The following PLEKHH3 variants were observed in gnomAD, a reference collection of about 807,000 sequenced individuals.
PLEKHH3 encodes the protein pleckstrin homology, MyTH4 and FERM domain containing H3.
PLEKHH3 carries 57 observed loss-of-function variants against 77.8 expected under a neutral mutation model. The ratio of observed to expected loss-of-function variants is 0.73; its 90% CI spans 0.59 to 0.91. The LOEUF (loss-of-function observed/expected upper bound fraction) is 0.91, where lower values mean the gene tolerates loss of function less well. Among genes scored for constraint, PLEKHH3 ranks in the 40% least tolerant of loss-of-function variants. The probability of loss-of-function intolerance (pLI) is 0.00; values close to 1 mark genes in which losing one functional copy is unlikely to be tolerated. For missense variants in PLEKHH3, 1,082 were observed against 1,091.2 expected, an observed-to-expected ratio of 0.99 and a Z score of 0.12; for synonymous variants, 467 against 504.8, an observed-to-expected ratio of 0.93 and a Z score of 1.00.
At chr17:42,672,805 G>A (rs12936169) in intron 6 of PLEKHH3, among the ~76,000 whole-genome samples, 29,650 of 151,934 alleles carry the variant, frequency 0.2, 3,595 homozygotes, top group South Asian at 0.33. Flanking sequence ...TCACTACACC[G>A]TTTAGGGAGA....
At chr17:42,670,811 A>G in intron 9 of PLEKHH3, 106 bp from the exon 10 acceptor site, 1 of 1,519,670 alleles carries the variant, frequency 6.6e-7, no homozygotes. Flanking sequence ...GCCTGGGCGG[A>G]GCCGACAGCG....
At position 42,673,551 on chromosome 17, in the gene PLEKHH3, A is replaced by C; in HGVS notation, c.496T>G (p.Trp166Gly). The change falls in exon 5 of 13, where the codon TGG becomes GGG. Residue 166 changes from tryptophan to glycine, a missense_variant. Trp to Gly is a radical substitution (Grantham distance 184). This residue lies in a region of PLEKHH3 where 344 missense variants were observed against 320.8 expected (regional missense o/e 1.07). Coordinates refer to ENST00000591022, the MANE Select transcript of PLEKHH3 (RefSeq NM_024927.5). ...PERRRKETGL[W>G]SVTVSGRKHS... ...TTCCGACCAGACACAGTCACTGACC[A>C]CAGACCTGGGGAAAAGAGAGGCCAG... 1.9e-6 allele frequency: 3 copies of C among 1,591,460 alleles called. No individual in the cohort carries two copies. Among genetic ancestry groups the C allele is most frequent in the Non-Finnish European group, 2.6e-6 (3 of 1,170,968 alleles).
rs200157415 is a variant in PLEKHH3, at chr17:42,671,525, C to T, written c.1110G>A (p.Ala370=). The T allele has an allele frequency of 8.7e-6, 14 of 1,612,534 alleles. No individual in the cohort carries two copies. The highest frequency in any genetic ancestry group is 4.5e-5 in the East Asian group (2 of 44,872). Reference sequence around the variant, plus strand: ...CTTTCCGGATGAAGCGCGCATATTCCGCCAGTTCCGAGTCCGGGAGTGCCT... The same window carrying T: ...CTTTCCGGATGAAGCGCGCATATTCTGCCAGTTCCGAGTCCGGGAGTGCCT... The part of the protein sequence containing the change: ...TEQALPDSEL[A]EYARFIRKAL... The change falls in exon 8 of 13, where the codon GCG becomes GCA. Residue 370 remains alanine (A), a synonymous_variant. Coordinates refer to ENST00000591022, the MANE Select transcript of PLEKHH3 (RefSeq NM_024927.5). The surrounding 1 kb of genome is among the most constrained non-coding windows in gnomAD (Gnocchi z 4.7).
Position 42,673,801 on chromosome 17 carries a change from G to A in PLEKHH3, c.332C>T (p.Ala111Val). 4 of 1,589,364 alleles carry A rather than the reference G, an allele frequency of 2.5e-6. No homozygotes were observed. The highest frequency in any genetic ancestry group is 2.3e-5 in the East Asian group (1 of 44,134). ...TCGGCGCGGGGGCAGCCAGGGCCGC[G>A]CCCCTCCTCCGCGGGGCTCCCGGTA... ...WLYREPRGGG[A>V]RPWLPPRRAW... is the part of the protein sequence containing the mutation. Residue 111 changes from alanine (A) to valine (V), a missense_variant, in exon 4 of 13, where the codon GCG becomes GTG. Transcript: ENST00000591022.
chr17:42,669,288 T>C (rs927407079), intron 12 of PLEKHH3, 142 bp downstream of exon 12: 33 of 745,114 alleles, frequency 4.4e-5, no homozygotes, highest in Non-Finnish European at 6.5e-5. Flanking sequence ...TCCACTCTAG[T>C]GTAAGCTCCT....
At chr17:42,674,202 C>A in intron 2 of PLEKHH3, 152 bp downstream of exon 2, 1 of 1,126,814 alleles carries the variant, frequency 8.9e-7, no homozygotes, top group Non-Finnish European at 1.2e-6. Context: ...CCCGCGCCCC[C>A]AGCCGGACCG....
At position 42,670,049 on chromosome 17, in the gene PLEKHH3, C is replaced by G. The variant is rs1237989436; in HGVS notation, c.1882G>C (p.Ala628Pro). ...CGCTTCCAGCCGCCCAGCACGGCAG[C>G]TGCCGTGCCGGCGCCGCCTCCTCCC... The part of the protein sequence containing the change: ...REGGGGAGTA[A>P]AVLGGWKRLR... The change falls in exon 11 of 13, where the codon GCT becomes CCT. Residue 628 changes from alanine to proline, a missense_variant. Ala to Pro is a conservative substitution (Grantham distance 27). Coordinates refer to ENST00000591022, the MANE Select transcript of PLEKHH3 (RefSeq NM_024927.5). The G allele has an allele frequency of 1.5e-5, 22 of 1,511,076 alleles. No individual in the cohort carries two copies. Among genetic ancestry groups the G allele is most frequent in the South Asian group, 1.2e-4 (10 of 80,238 alleles). The allele number at this position is 1,511,076 out of a possible 1,614,324, so 93.6% of individuals were successfully genotyped here.
intron 1 of PLEKHH3, among the ~76,000 whole-genome samples, chr17:42,675,294 G>C (rs1384245154): frequency 1.3e-5 from 2 of 152,176 alleles, no homozygotes; most frequent in African/African-American, 2.4e-5. Flanking sequence ...CTCAGGGAAG[G>C]GGGGAGTTGA....
intron 1 of PLEKHH3, among the ~76,000 whole-genome samples, chr17:42,675,562 G>A (rs2052803850): frequency 6.6e-6 from 1 of 152,076 alleles, no homozygotes; most frequent in African/African-American, 2.4e-5. Flanking sequence ...AGGTGCTGGC[G>A]CCGGCCCCGG....
In PLEKHH3 at chr17:42,676,385, G is replaced by C. The variant is rs2052828124; in HGVS notation, c.162+17C>G. 1.9e-6 allele frequency: 3 copies of C among 1,611,966 alleles called. No homozygotes were observed. The highest frequency in any genetic ancestry group is 2.5e-6 in the Non-Finnish European group (3 of 1,179,212). On this transcript the variant is annotated intron_variant, in intron 1 of 12. Coordinates refer to ENST00000591022, the MANE Select transcript of PLEKHH3 (RefSeq NM_024927.5). The surrounding 1 kb of genome is among the most constrained non-coding windows in gnomAD (Gnocchi z 6.6). ...GCGAGAGTGATTGAGACGAGGCTCCGAACCCCCGGGACTTACCCTCCCGCC... is the reference window on the plus strand; with the variant it reads ...GCGAGAGTGATTGAGACGAGGCTCCCAACCCCCGGGACTTACCCTCCCGCC...
rs1397762863 is a variant in PLEKHH3 at position 42,668,295 on chromosome 17, C to G, written c.2214G>C (p.Glu738Asp). ...AGTAGGCATTCACCAGCTGCATGAT[C>G]TCTTCCACCTAAGAGAGGGCAGAGG... The part of the protein sequence containing the change: ...QLLLQSPQVE[E>D]IMQLVNAYLA... The change falls in exon 13 of 13, where the codon GAG becomes GAC. Residue 738 changes from glutamate (E) to aspartate (D), a missense_variant. By Grantham distance (45) the Glu-to-Asp change is conservative. Transcript: ENST00000591022. The G allele has an allele frequency of 1.3e-6, 2 of 1,547,908 alleles. No homozygotes were observed. The highest frequency in any genetic ancestry group is 1.4e-5 in the African/African-American group (1 of 69,982).
intron 9 of PLEKHH3, 46 bp from the exon 10 acceptor site, chr17:42,670,751 T>C (rs775168546): frequency 3.8e-6 from 6 of 1,582,074 alleles, no homozygotes; most frequent in South Asian, 1.1e-5. Flanking sequence ...GCCGGACCCC[T>C]ACGGCGAGGG....
Position 42,670,032 on chromosome 17 carries a change from G to A in PLEKHH3, c.1899C>T (p.Gly633=). 1 of 1,569,420 alleles carries A rather than the reference G, an allele frequency of 6.4e-7. No individual in the cohort carries two copies. The highest frequency in any genetic ancestry group is 2.4e-5 in the East Asian group (1 of 41,492). ...GGCCCATGCCCCGTAGCCGCTTCCAGCCGCCCAGCACGGCAGCTGCCGTGC... is the reference window on the plus strand; with the variant it reads ...GGCCCATGCCCCGTAGCCGCTTCCAACCGCCCAGCACGGCAGCTGCCGTGC... ...GAGTAAAVLG[G]WKRLRGMGRA... Residue 633 remains glycine, a synonymous_variant, in exon 11 of 13, where the codon GGC becomes GGT. Transcript: ENST00000591022.
Position 42,670,005 on chromosome 17 carries a change from T to A in PLEKHH3, c.1926A>T (p.Arg642=), listed in dbSNP as rs1208365918. ...GGWKRLRGMG[R]AEAMAAYLAL... The stretch of plus-strand genomic sequence containing the variant: ...CCAGGTAGGCGGCCATGGCCTCAGC[T>A]CGGCCCATGCCCCGTAGCCGCTTCC... The change falls in exon 11 of 13, where the codon CGA becomes CGT. Residue 642 remains arginine, a synonymous_variant. Coordinates refer to ENST00000591022, the MANE Select transcript of PLEKHH3 (RefSeq NM_024927.5). The A allele has an allele frequency of 6.2e-7, 1 of 1,600,680 alleles. No homozygotes were observed. Among genetic ancestry groups the A allele is most frequent in the African/African-American group, 1.4e-5 (1 of 73,970 alleles).
Position 42,672,140 on chromosome 17 carries a change from C to T in PLEKHH3, c.1022G>A (p.Cys341Tyr). ...CACAGCTCCCCCAGGTCGGAAGGTG[C>T]AGCTCATGCAGGTGAGGAGTTGCCA... ...RYWQLLTCMS[C>Y]TFRPGGAVRG... The change falls in exon 7 of 13, where the codon TGC becomes TAC. Residue 341 changes from cysteine to tyrosine, a missense_variant. Cys to Tyr is a radical substitution (Grantham distance 194, BLOSUM62 -2). Coordinates refer to ENST00000591022, the MANE Select transcript of PLEKHH3 (RefSeq NM_024927.5). The T allele has an allele frequency of 1.3e-6, 2 of 1,538,886 alleles. No homozygotes were observed. Among genetic ancestry groups the T allele is most frequent in the Non-Finnish European group, 1.8e-6 (2 of 1,138,636 alleles).
intron 11 of PLEKHH3, 37 bp downstream of exon 11, chr17:42,669,881 G>A (rs2052644837): frequency 2.5e-6 from 4 of 1,608,430 alleles, no homozygotes; most frequent in Non-Finnish European, 3.4e-6. Context: ...TGTGGGGCTT[G>A]GGCCGCCAGA....
In PLEKHH3 at chr17:42,673,290, A is replaced by G; in HGVS notation, c.655T>C (p.Cys219Arg). 2 of 1,599,224 alleles carry G rather than the reference A, an allele frequency of 1.3e-6. No homozygotes were observed. The highest frequency in any genetic ancestry group is 1.7e-6 in the Non-Finnish European group (2 of 1,175,770). The change falls in exon 6 of 13, where the codon TGC becomes CGC. Residue 219 changes from cysteine to arginine, a missense_variant. Coordinates refer to ENST00000591022, the MANE Select transcript of PLEKHH3 (RefSeq NM_024927.5). ...AGGGCAACGGCCTCTGGGTCCCCGC[A>G]ACTTTCCTAGGGGGCCAGGGAGAGG... is the stretch of plus-strand genomic sequence containing the variant. ...QLLLRDIQESCGDPEAVALIY... is the reference protein window; with the variant it reads ...QLLLRDIQESRGDPEAVALIY...
At position 42,676,245 on chromosome 17, in the gene PLEKHH3, C is replaced by G. The variant is rs964477982; in HGVS notation, c.162+157G>C. On this transcript the variant is annotated intron_variant, in intron 1 of 12. Transcript: ENST00000591022. The surrounding 1 kb of genome is among the most constrained non-coding windows in gnomAD (Gnocchi z 6.6). ...CACATCCCGAGTAGGGCTGCTGCTCCGAGAGCTCCCGGGGGCTTTGGCCCC... is the reference window on the plus strand; with the variant it reads ...CACATCCCGAGTAGGGCTGCTGCTCGGAGAGCTCCCGGGGGCTTTGGCCCC... 1.3e-5 allele frequency among the ~76,000 whole-genome samples: 2 copies of G among 152,242 alleles called. No homozygotes were observed. The highest frequency in any genetic ancestry group is 2.9e-5 in the Non-Finnish European group (2 of 68,036).
Position 42,667,940 on chromosome 17 carries a change from T to C in PLEKHH3, c.*187A>G. 2.2e-6 allele frequency: 1 copy of C among 460,066 alleles called. No homozygotes were observed. The highest frequency in any genetic ancestry group is 3.5e-6 in the Non-Finnish European group (1 of 286,018). 28.5% of individuals were successfully genotyped at this position (460,066 alleles called of 1,614,324 possible). A position where few individuals can be genotyped will look rare whatever the true frequency, so the allele number is the denominator to read the frequency against. On this transcript the variant is annotated 3_prime_UTR_variant, in exon 13 of 13. Transcript: ENST00000591022. Reference sequence around the variant, plus strand: ...TTGTGTAAATAAGAAACTTTTTTTTTTTTTTTGCTTCTCTTCTACAAATAA... The same window carrying C: ...TTGTGTAAATAAGAAACTTTTTTTTCTTTTTTGCTTCTCTTCTACAAATAA...
Sources: allele counts gnomAD v4.1 joint callset (sites outside exome capture counted in the v4.1 genomes callset), GRCh38; gene constraint gnomAD v4.1.1; regional missense constraint gnomAD v4.1.1; non-coding constraint Gnocchi (gnomAD v3.1); transcripts MANE v1.5; gene names NCBI Gene and HGNC (gene_info 2026-07-23, HGNC 2026-07-21).